IL1RAPL2: variants seen among roughly 807,000 people sequenced by gnomAD.
The protein encoded by IL1RAPL2 is X-linked interleukin-1 receptor accessory protein-like 2.
IL1RAPL2 carries 3 observed loss-of-function variants against 44.1 expected under a neutral mutation model. The ratio of observed to expected loss-of-function variants is 0.07; its 90% CI spans 0.03 to 0.18. The LOEUF (loss-of-function observed/expected upper bound fraction) is 0.18. Among genes scored for constraint, IL1RAPL2 ranks in the 10% least tolerant of loss-of-function variants. The pLI, the probability that IL1RAPL2 is intolerant of heterozygous loss-of-function variation, is 1.00. For synonymous variants in IL1RAPL2, 181 were observed against 178.8 expected (o/e 1.01, Z -0.10); for missense variants, 391 against 496.4 (o/e 0.79, Z 2.02).
At chrX:105,552,970 A>G (rs923637765) in intron 6 of IL1RAPL2, among the ~76,000 whole-genome samples, 1 of 112,067 alleles carries the variant, frequency 8.9e-6, no homozygotes, top group Non-Finnish European at 1.9e-5. Flanking sequence ...TATTATCATA[A>G]TGCTTTGATA....
intron 6 of IL1RAPL2, among the ~76,000 whole-genome samples, chrX:105,701,396 A>G (rs1453279823): frequency 8.9e-6 from 1 of 112,014 alleles, no homozygotes; most frequent in Non-Finnish European, 1.9e-5. Context: ...AATTTTCACT[A>G]TAACAGCTAC....
At chrX:105,149,012 A>G (rs1300153357) in intron 2 of IL1RAPL2, among the ~76,000 whole-genome samples, 1 of 111,935 alleles carries the variant, frequency 8.9e-6, no homozygotes, top group African/African-American at 3.3e-5. Flanking sequence ...TCTGTTGTTT[A>G]TAAATTACCC....
rs999106815 is a variant in IL1RAPL2 at position 105,763,420 on chromosome X, C to T, written c.1364-3544C>T. ...AGCAAGTAAAAAATATGAACTCTAC[C>T]TATTTGATTTCTTCCTCATTTACTT... On this transcript the variant is annotated intron_variant, in intron 10 of 10. Transcript: ENST00000372582. Among the ~76,000 whole-genome samples the T allele has an allele frequency of 2.7e-5, 3 of 110,928 alleles. No individual in the cohort carries two copies. In the East Asian group the frequency reaches 8.6e-4, roughly 32 times the overall value.
At chrX:104,892,479 G>T (rs924517292) in intron 2 of IL1RAPL2, among the ~76,000 whole-genome samples, 3 of 111,339 alleles carry the variant, frequency 2.7e-5, no homozygotes, top group Non-Finnish European at 5.7e-5. Flanking sequence ...GACTGTTATT[G>T]GTCTATTCAG....
rs187058995 is a variant in IL1RAPL2 at position 105,013,350 on chromosome X, T to C, written c.83-182125T>C. Reference sequence around the variant, plus strand: ...ACCGCAGCATCAAAGAGTTGCATCCTCAGGGTTTATTATCATGATGGAAGG... The same window carrying C: ...ACCGCAGCATCAAAGAGTTGCATCCCCAGGGTTTATTATCATGATGGAAGG... On this transcript the variant is annotated intron_variant, in intron 2 of 10. Coordinates refer to ENST00000372582, the MANE Select transcript of IL1RAPL2 (RefSeq NM_017416.2). Among the ~76,000 whole-genome samples, 4 of 110,690 alleles carry C rather than the reference T, an allele frequency of 3.6e-5. No homozygotes were observed. The Admixed American group carries it at 3.9e-4, about 11-fold the overall frequency.
intron 2 of IL1RAPL2, among the ~76,000 whole-genome samples, chrX:104,759,900 C>A (rs981027038): frequency 3.6e-5 from 4 of 111,641 alleles, no homozygotes; most frequent in African/African-American, 1.3e-4. Context: ...CTTACTCAAT[C>A]TTTCTAACTT....
chrX:105,267,366 C>T (rs1255835514), intron 4 of IL1RAPL2, 22 bp from the exon 5 acceptor site: 3 of 1,179,307 alleles, frequency 2.5e-6, no homozygotes, highest in Admixed American at 5.0e-5. Context: ...TTTTTGCTTA[C>T]TTGCAAATAT....
intron 2 of IL1RAPL2, among the ~76,000 whole-genome samples, chrX:105,129,080 C>G (rs1364852962): frequency 9.0e-6 from 1 of 111,075 alleles, no homozygotes; most frequent in Admixed American, 9.7e-5. Context: ...TCTCTAATAA[C>G]TTATGTTGTC....
chrX:105,636,672 G>T (rs1368068710), intron 6 of IL1RAPL2, among the ~76,000 whole-genome samples: 2 of 111,621 alleles, frequency 1.8e-5, no homozygotes, highest in Non-Finnish European at 3.8e-5. Flanking sequence ...CATCCCCAAA[G>T]ATCTCACAGC....
chrX:105,081,954 C>T (rs749559986), intron 2 of IL1RAPL2, among the ~76,000 whole-genome samples: 6 of 111,378 alleles, frequency 5.4e-5, no homozygotes, highest in South Asian at 7.6e-4. Flanking sequence ...GTTATGTCTC[C>T]GCCAGGTTTT....
intron 1 of IL1RAPL2, among the ~76,000 whole-genome samples, chrX:104,586,988 G>C (rs1264371970): frequency 1.8e-5 from 2 of 111,290 alleles, no homozygotes; most frequent in East Asian, 2.8e-4. Context: ...CCAGTGAAGG[G>C]AAGGGCAGCA....
chrX:104,816,287 A>T (rs1008836454), intron 2 of IL1RAPL2, among the ~76,000 whole-genome samples: 6 of 111,851 alleles, frequency 5.4e-5, no homozygotes, highest in Non-Finnish European at 1.1e-4. Context: ...TTACAAAAGG[A>T]GTTTAGATTA....
At chrX:104,680,874 T>C (rs1930879722) in intron 2 of IL1RAPL2, among the ~76,000 whole-genome samples, 1 of 112,383 alleles carries the variant, frequency 8.9e-6, no homozygotes, top group African/African-American at 3.2e-5. Context: ...CCCATTATTT[T>C]ATTTTACAAC....
At chrX:105,578,345 T>C (rs1445892873) in intron 6 of IL1RAPL2, among the ~76,000 whole-genome samples, 3 of 110,824 alleles carry the variant, frequency 2.7e-5, no homozygotes, top group Non-Finnish European at 3.8e-5. Context: ...ATAAGGGTTA[T>C]ATAAGACAAG....
intron 2 of IL1RAPL2, among the ~76,000 whole-genome samples, chrX:104,860,098 G>T (rs1221560035): frequency 8.9e-6 from 1 of 111,874 alleles, no homozygotes; most frequent in African/African-American, 3.2e-5. Context: ...CTGCTTGGTC[G>T]ATAAATTAAA....
intron 2 of IL1RAPL2, among the ~76,000 whole-genome samples, chrX:104,796,405 G>T (rs756974235): frequency 8.9e-6 from 1 of 112,203 alleles, no homozygotes; most frequent in South Asian, 3.7e-4. Context: ...TGAGGAAAAA[G>T]TAGGTAATAA....
chrX:104,714,891 G>C (rs751750396), intron 2 of IL1RAPL2, among the ~76,000 whole-genome samples: 1 of 111,295 alleles, frequency 9.0e-6, no homozygotes, highest in African/African-American at 3.3e-5. Flanking sequence ...CCAGCATTTT[G>C]TTGAGAATTT....
chrX:105,051,866 G>A (rs2031931567), intron 2 of IL1RAPL2, among the ~76,000 whole-genome samples: 1 of 112,397 alleles, frequency 8.9e-6, no homozygotes, highest in South Asian at 3.7e-4. Context: ...AGGGCCTGTT[G>A]AGGGTGGAGG....
intron 4 of IL1RAPL2, among the ~76,000 whole-genome samples, chrX:105,234,868 C>T (rs913631767): frequency 8.3e-5 from 9 of 108,872 alleles, no homozygotes; most frequent in Non-Finnish European, 1.1e-4. Context: ...TTTGGGCAGG[C>T]TTGAAGAAAT....
Sources: gnomAD v4.1 joint callset for allele counts (sites outside exome capture counted in the v4.1 genomes callset) on GRCh38, gnomAD v4.1.1 for gene constraint, MANE v1.5 for transcripts, NCBI Gene and HGNC (gene_info 2026-07-23, HGNC 2026-07-21) for gene names.